Variants in DENND1B observed in about 807,000 individuals in gnomAD.
DENND1B encodes DENN domain containing 1B.
In DENND1B, 59 loss-of-function variants were observed where a neutral mutation model predicts 90.1. The observed-to-expected ratio is 0.65, with a 90% CI of 0.53 to 0.81. The LOEUF is 0.81. Ranked by LOEUF, DENND1B falls within the 40% of genes least tolerant of loss-of-function variation. DENND1B has a pLI of 0.00. For missense variants in DENND1B, 862 were observed against 912.6 expected (o/e 0.94, Z 0.71); for synonymous variants, 337 against 324.6 (o/e 1.04, Z -0.41).
At chr1:197,760,766 G>A (rs1195595720) in intron 2 of DENND1B, among the ~76,000 whole-genome samples, 1 of 151,888 alleles carries the variant, frequency 6.6e-6, no homozygotes, top group Non-Finnish European at 1.5e-5. Context: ...CTCTATCAAA[G>A]GCAAAATTTA....
chr1:197,734,800 C>CT (rs997520099), intron 2 of DENND1B: 105 of 973,678 alleles, frequency 1.1e-4, no homozygotes, highest in Admixed American at 8.7e-4. Context: ...CATAAATATG[C>CT]TTTTTTTTTA....
intron 14 of DENND1B, among the ~76,000 whole-genome samples, chr1:197,585,029 C>T (rs185217985): frequency 4.6e-5 from 7 of 152,112 alleles, no homozygotes; most frequent in South Asian, 2.1e-4. Flanking sequence ...TTTTTTAAAC[C>T]GGACTAATTT....
chr1:197,641,841 A>G (rs1420549356), intron 10 of DENND1B, among the ~76,000 whole-genome samples: 1 of 152,114 alleles, frequency 6.6e-6, no homozygotes, highest in Non-Finnish European at 1.5e-5. Context: ...TTAAATGCTA[A>G]AATACAGATT....
chr1:197,536,057 A>G (rs1291374414), intron 20 of DENND1B, among the ~76,000 whole-genome samples: 1 of 151,292 alleles, frequency 6.6e-6, no homozygotes, highest in Non-Finnish European at 1.5e-5. Flanking sequence ...GGAGAAAAGA[A>G]GAGGAAGAAG....
At chr1:197,658,747 AAT>A (rs1484584850) in intron 5 of DENND1B, among the ~76,000 whole-genome samples, 1 of 151,310 alleles carries the variant, frequency 6.6e-6, no homozygotes, top group Non-Finnish European at 1.5e-5. Context: ...ATCTCCTTTT[AAT>A]ATGTTACTGG....
At chr1:197,551,125 T>C (rs1407928440) in intron 16 of DENND1B, among the ~76,000 whole-genome samples, 2 of 151,510 alleles carry the variant, frequency 1.3e-5, no homozygotes, top group African/African-American at 4.8e-5. Flanking sequence ...CCTAGATAGA[T>C]GGATATCTTC....
chr1:197,614,032 T>A (rs1260094740), intron 11 of DENND1B, among the ~76,000 whole-genome samples: 4 of 131,724 alleles, frequency 3.0e-5, no homozygotes, highest in African/African-American at 9.1e-5. Context: ...CTAGGAAAAC[T>A]TTTTTTTTTT....
At chr1:197,722,189 G>A (rs1398032672) in intron 2 of DENND1B, among the ~76,000 whole-genome samples, 2 of 151,746 alleles carry the variant, frequency 1.3e-5, no homozygotes, top group African/African-American at 4.8e-5. Context: ...TAATAATAAG[G>A]CCTCTTTTAT....
At chr1:197,744,481 C>A (rs923997181) in intron 2 of DENND1B, among the ~76,000 whole-genome samples, 3 of 152,122 alleles carry the variant, frequency 2.0e-5, no homozygotes, top group Admixed American at 1.3e-4. Flanking sequence ...TGTCAATGAG[C>A]AACAATATTT....
intron 2 of DENND1B, chr1:197,735,877 C>A: frequency 6.4e-7 from 1 of 1,553,106 alleles, no homozygotes; most frequent in Non-Finnish European, 8.9e-7. Context: ...TTGCAGGGGG[C>A]TATTACAGGT....
In DENND1B at chr1:197,715,056, T is replaced by C. The variant is rs765779805; in HGVS notation, c.101A>G (p.Lys34Arg). 6.2e-7 allele frequency: 1 copy of C among 1,611,474 alleles called. No homozygotes were observed. The highest frequency in any genetic ancestry group is 1.7e-5 in the Admixed American group (1 of 59,940). ...CTGGTCTCCAAAGTCCTCTGGGAATTTCCACAATACCACAGGATCTGTAAA... is the reference window on the plus strand; with the variant it reads ...CTGGTCTCCAAAGTCCTCTGGGAATCTCCACAATACCACAGGATCTGTAAA... The part of the protein sequence containing the change: ...SENEDPVVLW[K>R]FPEDFGDQEI... The change falls in exon 3 of 23, where the codon AAA (lysine) becomes AGA (arginine). Residue 34 changes from lysine to arginine, a missense_variant. Coordinates refer to ENST00000620048, the MANE Select transcript of DENND1B (RefSeq NM_001195215.2).
chr1:197,663,555 T>A (rs968020499), intron 5 of DENND1B, among the ~76,000 whole-genome samples: 3 of 152,088 alleles, frequency 2.0e-5, no homozygotes, highest in African/African-American at 7.2e-5. Context: ...ATTAAATAAG[T>A]TGCCAACTTC....
intron 3 of DENND1B, among the ~76,000 whole-genome samples, chr1:197,679,427 A>G (rs907461463): frequency 6.6e-6 from 1 of 151,686 alleles, no homozygotes; most frequent in Non-Finnish European, 1.5e-5. Context: ...TTTACACTGT[A>G]TTAGATAGTA....
intron 2 of DENND1B, among the ~76,000 whole-genome samples, chr1:197,769,627 T>C (rs1231726459): frequency 3.3e-5 from 5 of 152,218 alleles, no homozygotes; most frequent in Non-Finnish European, 7.3e-5. Flanking sequence ...ATGAACTATA[T>C]CAAGTTTCTC....
intron 3 of DENND1B, among the ~76,000 whole-genome samples, chr1:197,701,476 G>A (rs940625034): frequency 6.6e-5 from 10 of 152,086 alleles, no homozygotes; most frequent in Non-Finnish European, 1.5e-4. Flanking sequence ...GTGAATAGAT[G>A]CAGCAAACCA....
chr1:197,542,018 T>C (rs1393948191), intron 18 of DENND1B, among the ~76,000 whole-genome samples: 5 of 152,328 alleles, frequency 3.3e-5, no homozygotes, highest in Admixed American at 2.6e-4. Flanking sequence ...CATGTCCTCC[T>C]CTGACTTCCT....
At chr1:197,639,133 G>C (rs1027077552) in intron 10 of DENND1B, among the ~76,000 whole-genome samples, 1 of 150,524 alleles carries the variant, frequency 6.6e-6, no homozygotes, top group African/African-American at 2.4e-5. Flanking sequence ...GCGTGATCTC[G>C]GTTCACTGCA....
At chr1:197,624,860 T>C (rs1031881324) in intron 10 of DENND1B, among the ~76,000 whole-genome samples, 2 of 151,634 alleles carry the variant, frequency 1.3e-5, no homozygotes, top group South Asian at 2.1e-4. Context: ...TCGAGAACTA[T>C]GTGAAGAATG....
intron 6 of DENND1B, 79 bp downstream of exon 6, chr1:197,658,221 A>ACG (rs1654046962): frequency 8.8e-7 from 1 of 1,141,126 alleles, no homozygotes; most frequent in Non-Finnish European, 1.3e-6. Context: ...AAAACTATAC[A>ACG]CTTAAAAATG....
Sources: gnomAD v4.1 joint callset for allele counts (sites outside exome capture counted in the v4.1 genomes callset) on GRCh38, gnomAD v4.1.1 for gene constraint, MANE v1.5 for transcripts, NCBI Gene and HGNC (gene_info 2026-07-23, HGNC 2026-07-21) for gene names.